Variants in TENM2 observed in about 807,000 individuals in gnomAD.
The protein encoded by TENM2 is teneurin-2.
A neutral mutation model predicts 245.2 loss-of-function variants in TENM2; 52 were observed. The observed-to-expected ratio is 0.21, with a 90% confidence interval of 0.17 to 0.27. The LOEUF (loss-of-function observed/expected upper bound fraction) is 0.27, where lower values mean the gene tolerates loss of function less well. TENM2 is among the 10% of genes least tolerant of loss of function. The pLI, the probability that TENM2 is intolerant of heterozygous loss-of-function variation, is 1.00. For synonymous variants in TENM2, 1,363 were observed against 1,438.9 expected (o/e 0.95, Z 1.19); for missense variants, 3,046 against 3,666.8 (o/e 0.83, Z 4.37).
chr5:167,526,048 G>C (rs1771084992), intron 2 of TENM2, among the ~76,000 whole-genome samples: 1 of 151,632 alleles, frequency 6.6e-6, no homozygotes, highest in African/African-American at 2.4e-5. Flanking sequence ...CCTTGTAAAT[G>C]GCCAACCCAT....
chr5:167,690,500 A>G (rs1233463584), intron 2 of TENM2, among the ~76,000 whole-genome samples: 2 of 152,164 alleles, frequency 1.3e-5, no homozygotes, highest in African/African-American at 4.8e-5. Flanking sequence ...ATCTTTCTTC[A>G]CATCCTGAAA....
At chr5:168,190,526 G>T in exon 14 of TENM2, 1 of 1,613,932 alleles carries the variant, frequency 6.2e-7, no homozygotes, top group Non-Finnish European at 8.5e-7. Flanking sequence ...ATCATTCCTG[G>T]AGAGAACCCT....
chr5:167,791,751 G>A (rs1764990578), intron 2 of TENM2, among the ~76,000 whole-genome samples: 2 of 151,808 alleles, frequency 1.3e-5, no homozygotes, highest in African/African-American at 2.4e-5. Flanking sequence ...AAGAAAGTTT[G>A]GAATGAGTGA....
intron 2 of TENM2, among the ~76,000 whole-genome samples, chr5:167,477,281 A>C (rs927777302): frequency 6.7e-6 from 1 of 150,216 alleles, no homozygotes; most frequent in Non-Finnish European, 1.5e-5. Flanking sequence ...AAAAAAAAAA[A>C]ATACCATGAC....
At chr5:167,742,625 C>G (rs940408943) in intron 2 of TENM2, among the ~76,000 whole-genome samples, 7 of 151,962 alleles carry the variant, frequency 4.6e-5, no homozygotes, top group Non-Finnish European at 1.0e-4. Flanking sequence ...GCTAAAAGAA[C>G]TCATGTTTGC....
chr5:167,698,856 G>A (rs188070985), intron 2 of TENM2, among the ~76,000 whole-genome samples: 2 of 151,894 alleles, frequency 1.3e-5, no homozygotes, highest in Admixed American at 1.3e-4. Flanking sequence ...GCTAATTTTT[G>A]TATTTTTAGT....
intron 2 of TENM2, among the ~76,000 whole-genome samples, chr5:167,679,490 G>C (rs1418928975): frequency 6.6e-6 from 1 of 152,094 alleles, no homozygotes; most frequent in Non-Finnish European, 1.5e-5. Context: ...TAGATTAGGA[G>C]TAATTTGATT....
chr5:167,520,608 G>A (rs1236514827), intron 2 of TENM2, among the ~76,000 whole-genome samples: 1 of 152,086 alleles, frequency 6.6e-6, no homozygotes, highest in African/African-American at 2.4e-5. Context: ...GATTGTTCCT[G>A]ATACCAAAAG....
intron 2 of TENM2, among the ~76,000 whole-genome samples, chr5:167,866,133 G>A (rs1188005345): frequency 6.6e-6 from 1 of 152,190 alleles, no homozygotes; most frequent in Non-Finnish European, 1.5e-5. Flanking sequence ...AGTGAGTGTG[G>A]TGATCAGAAA....
intron 13 of TENM2, among the ~76,000 whole-genome samples, chr5:168,175,412 G>C (rs1033873341): frequency 2.0e-4 from 31 of 152,164 alleles, no homozygotes; most frequent in Non-Finnish European, 2.8e-4. Context: ...CACTGGCTCT[G>C]GAATGAGTGC....
chr5:167,550,816 A>G (rs1246412146), intron 2 of TENM2, among the ~76,000 whole-genome samples: 4 of 147,118 alleles, frequency 2.7e-5, no homozygotes, highest in Non-Finnish European at 3.0e-5. Flanking sequence ...TGCAACCTCC[A>G]CCTCCTGGGT....
chr5:167,696,512 A>G (rs979274655), intron 2 of TENM2, among the ~76,000 whole-genome samples: 73 of 152,334 alleles, frequency 4.8e-4, no homozygotes, highest in East Asian at 1.7e-3. Context: ...TTACTGAAGG[A>G]TCAGGAGCTC....
At chr5:167,771,749 G>C (rs1469618547) in intron 2 of TENM2, among the ~76,000 whole-genome samples, 1 of 152,190 alleles carries the variant, frequency 6.6e-6, no homozygotes, top group African/African-American at 2.4e-5. Flanking sequence ...CCATTACACA[G>C]ATGAGTGATA....
At chr5:167,772,957 A>G (rs923679091) in intron 2 of TENM2, among the ~76,000 whole-genome samples, 3 of 152,194 alleles carry the variant, frequency 2.0e-5, no homozygotes, top group Non-Finnish European at 4.4e-5. Context: ...AACCAAACAG[A>G]GTCAAAATAT....
chr5:167,497,716 A>G (rs1768908781), intron 2 of TENM2, among the ~76,000 whole-genome samples: 1 of 152,050 alleles, frequency 6.6e-6, no homozygotes, highest in South Asian at 2.1e-4. Flanking sequence ...AACTTGTTTC[A>G]CCCCAGAAGG....
intron 2 of TENM2, among the ~76,000 whole-genome samples, chr5:167,427,456 A>C (rs530286492): frequency 6.6e-6 from 1 of 151,644 alleles, no homozygotes; most frequent in African/African-American, 2.4e-5. Context: ...ATCTCAGGAA[A>C]AAAAGAAAGG....
chr5:167,443,977 G>A (rs1337011329), intron 2 of TENM2, among the ~76,000 whole-genome samples: 2 of 151,970 alleles, frequency 1.3e-5, no homozygotes, highest in African/African-American at 2.4e-5. Flanking sequence ...AGTTCAAAAA[G>A]TCTTACTTAA....
At chr5:167,735,807 CAAAAAGA>C (rs1215748695) in intron 2 of TENM2, among the ~76,000 whole-genome samples, 3 of 150,794 alleles carry the variant, frequency 2.0e-5, no homozygotes, top group African/African-American at 7.3e-5. Context: ...CCCTGTCTCA[CAAAAAGA>C]AAAAAGAGAA....
the TENM2 span, among the ~76,000 whole-genome samples, chr5:167,050,838 T>C: frequency 6.6e-6 from 1 of 152,176 alleles, no homozygotes; most frequent in African/African-American, 2.4e-5. Flanking sequence ...TTGGAACTAC[T>C]AATTGGATGA....
Sources: allele counts gnomAD v4.1 joint callset (sites outside exome capture counted in the v4.1 genomes callset), GRCh38; gene constraint gnomAD v4.1.1; transcripts MANE v1.5; gene names NCBI Gene and HGNC (gene_info 2026-07-23, HGNC 2026-07-21).